The following MS4A15 variants were observed in gnomAD, a reference collection of about 807,000 sequenced individuals.
MS4A15 encodes the protein membrane spanning 4-domains A15.
A neutral mutation model predicts 20.6 loss-of-function variants in MS4A15; 22 were observed. The ratio of observed to expected loss-of-function variants is 1.07; its 90% CI spans 0.76 to 1.52. The LOEUF is 1.52. MS4A15 is among the 40% of genes most tolerant of loss of function. The pLI, the probability that MS4A15 is intolerant of heterozygous loss-of-function variation, is 0.00. For synonymous variants in MS4A15, 129 were observed against 129.3 expected, an observed-to-expected ratio of 1.00 and a Z score of 0.02; for missense variants, 312 against 323.0, an observed-to-expected ratio of 0.97 and a Z score of 0.26.
chr11:60,759,328 G>A (rs1368018348), intron 1 of MS4A15, among the ~76,000 whole-genome samples: 1 of 152,238 alleles, frequency 6.6e-6, no homozygotes, highest in African/African-American at 2.4e-5. Context: ...TTAACTATAT[G>A]TTTGCAGACA....
chr11:60,773,083 G>C (rs971526328), intron 4 of MS4A15, among the ~76,000 whole-genome samples: 2 of 152,222 alleles, frequency 1.3e-5, no homozygotes, highest in Non-Finnish European at 2.9e-5. Flanking sequence ...GCCACAGTAC[G>C]GGGTAAGCTG....
chr11:60,770,021 C>T lies in MS4A15; in HGVS notation c.349-1270C>T, dbSNP rs770091686. On this transcript the variant is annotated intron_variant, in intron 3 of 6. Coordinates refer to ENST00000405633, the MANE Select transcript of MS4A15 (RefSeq NM_001098835.2). Reference sequence around the variant, plus strand: ...CTGCTAAGCTGCAGGCCCAGAGTGGCGCAGCACTGCTCAGCTCCACCCTCT... The same window carrying T: ...CTGCTAAGCTGCAGGCCCAGAGTGGTGCAGCACTGCTCAGCTCCACCCTCT... 1.8e-4 allele frequency among the ~76,000 whole-genome samples: 28 copies of T among 152,336 alleles called. No individual in the cohort carries two copies. In the Middle Eastern group the frequency reaches 0.014, roughly 74 times the overall value.
At chr11:60,761,485 G>A (rs942304301) in intron 1 of MS4A15, among the ~76,000 whole-genome samples, 6 of 152,182 alleles carry the variant, frequency 3.9e-5, no homozygotes, top group Non-Finnish European at 7.3e-5. Context: ...CAGACAGCCT[G>A]CGCCATGTCA....
rs757701457 is a variant in MS4A15 at position 60,763,751 on chromosome 11, C to T, written c.18C>T (p.Ala6=). Residue 6 remains alanine, a synonymous_variant, in exon 2 of 7, where the codon GCC becomes GCT. Transcript: ENST00000405633. ...TGAGCACGATGTCTGCAGCTCCCGC[C>T]AGCAATGGAGTGTTTGTTGTCATCC... The part of the protein sequence containing the change: MSAAP[A]SNGVFVVIPP... 3.1e-6 allele frequency: 5 copies of T among 1,612,182 alleles called. No homozygotes were observed. The South Asian group carries it at 4.4e-5, about 14-fold the overall frequency.
At chr11:60,765,916 T>C (rs1399725775) in intron 2 of MS4A15, among the ~76,000 whole-genome samples, 1 of 150,134 alleles carries the variant, frequency 6.7e-6, no homozygotes, top group Non-Finnish European at 1.5e-5. Context: ...ACAAACAAAC[T>C]GCTGAAAAGC....
chr11:60,761,147 C>T (rs943471172), intron 1 of MS4A15, among the ~76,000 whole-genome samples: 15 of 152,038 alleles, frequency 9.9e-5, no homozygotes, highest in Non-Finnish European at 2.2e-4. Flanking sequence ...ACTTCTTGGA[C>T]GAGAGGTCGA....
intron 3 of MS4A15, among the ~76,000 whole-genome samples, chr11:60,768,681 T>C (rs544355735): frequency 6.6e-6 from 1 of 152,372 alleles, no homozygotes; most frequent in East Asian, 1.9e-4. Flanking sequence ...GATCTGGCCC[T>C]GCCTACCTCA....
chr11:60,763,615 C>T, intron 1 of MS4A15, 91 bp from the exon 2 acceptor site: 1 of 1,055,066 alleles, frequency 9.5e-7, no homozygotes, highest in Non-Finnish European at 1.4e-6. Flanking sequence ...GGCAGGGCTG[C>T]AGTAAGCAAG....
intron 3 of MS4A15, among the ~76,000 whole-genome samples, chr11:60,768,031 A>G (rs1411347850): frequency 1.3e-5 from 2 of 151,308 alleles, no homozygotes; most frequent in Admixed American, 6.5e-5. Context: ...CGTCTCTACT[A>G]AAAATACAAA....
chr11:60,773,810 C>A, intron 5 of MS4A15, 27 bp from the exon 6 acceptor site: 1 of 1,596,826 alleles, frequency 6.3e-7, no homozygotes, highest in Non-Finnish European at 8.6e-7. Context: ...ACTCTGGGCT[C>A]ACCTTTCTGT....
At chr11:60,769,530 GC>G (rs1853977806) in intron 3 of MS4A15, among the ~76,000 whole-genome samples, 1 of 152,092 alleles carries the variant, frequency 6.6e-6, no homozygotes, top group South Asian at 2.1e-4. Context: ...AAGACATCAT[GC>G]CTGTCTCCAG....
chr11:60,767,917 G>A lies in MS4A15; in HGVS notation c.348+262G>A, dbSNP rs1433522782. On this transcript the variant is annotated intron_variant, in intron 3 of 6. Transcript: ENST00000405633. ...TGCCAAAAAGGACGGGAAAGGCGGGGCACGGTGGCTCATGCCTGTAATCCC... is the reference window on the plus strand; with the variant it reads ...TGCCAAAAAGGACGGGAAAGGCGGGACACGGTGGCTCATGCCTGTAATCCC... 2.6e-5 allele frequency among the ~76,000 whole-genome samples: 4 copies of A among 152,214 alleles called. No individual in the cohort carries two copies. The East Asian group carries it at 7.7e-4, about 29-fold the overall frequency.
intron 3 of MS4A15, 53 bp from the exon 4 acceptor site, chr11:60,771,238 G>T: frequency 2.5e-6 from 4 of 1,600,690 alleles, no homozygotes; most frequent in Non-Finnish European, 3.4e-6. Flanking sequence ...AGCAGGGTCT[G>T]CCCTGCCCAG....
rs374675466 is a variant in MS4A15, at chr11:60,770,959, G to A, written c.349-332G>A. Among the ~76,000 whole-genome samples the A allele has an allele frequency of 4.3e-4, 66 of 152,202 alleles. 1 individual carries two copies. In the East Asian group the frequency reaches 0.011, roughly 25 times the overall value. Reference sequence around the variant, plus strand: ...TGACTTCAAGAGATCCTCCCACCTCGGCCTCCCAAACTTCTGGGATTACAG... The same window carrying A: ...TGACTTCAAGAGATCCTCCCACCTCAGCCTCCCAAACTTCTGGGATTACAG... On this transcript the variant is annotated intron_variant, in intron 3 of 6. Transcript: ENST00000405633.
At chr11:60,762,097 A>C (rs1279325866) in intron 1 of MS4A15, among the ~76,000 whole-genome samples, 1 of 152,236 alleles carries the variant, frequency 6.6e-6, no homozygotes, top group Admixed American at 6.5e-5. Context: ...TTTTAGTCTC[A>C]GCTATTATTA....
At chr11:60,775,404 C>T (rs946889635) in intron 6 of MS4A15, among the ~76,000 whole-genome samples, 5 of 152,126 alleles carry the variant, frequency 3.3e-5, no homozygotes, top group Non-Finnish European at 7.3e-5. Context: ...CACTGCTGTA[C>T]TCCCAATGCC....
At chr11:60,766,064 C>A (rs1302878240) in intron 2 of MS4A15, among the ~76,000 whole-genome samples, 1 of 152,200 alleles carries the variant, frequency 6.6e-6, no homozygotes, top group Non-Finnish European at 1.5e-5. Context: ...TCAGTTTCCT[C>A]ATCTCCAAAA....
chr11:60,774,247 A>T (rs1417296683), intron 6 of MS4A15, among the ~76,000 whole-genome samples: 1 of 150,932 alleles, frequency 6.6e-6, no homozygotes, highest in Non-Finnish European at 1.5e-5. Flanking sequence ...TCCTATCGCT[A>T]CAAAAAAAAA....
intron 3 of MS4A15, among the ~76,000 whole-genome samples, chr11:60,770,381 C>T (rs999244750): frequency 1.3e-5 from 2 of 152,052 alleles, no homozygotes; most frequent in African/African-American, 2.4e-5. Context: ...AGGTGGATCA[C>T]GAGGTCAGGA....
Sources: gnomAD v4.1 joint callset for allele counts (sites outside exome capture counted in the v4.1 genomes callset) on GRCh38, gnomAD v4.1.1 for gene constraint, MANE v1.5 for transcripts, NCBI Gene and HGNC (gene_info 2026-07-23, HGNC 2026-07-21) for gene names.